Variants in MASP1 observed in about 807,000 individuals in gnomAD.
MASP1 encodes the protein mannan-binding lectin serine protease 1.
Under a neutral mutation model 77.1 loss-of-function variants are expected in MASP1, and 59 were observed. That is an observed-to-expected ratio of 0.77 (90% CI 0.62 to 0.95). MASP1 has a LOEUF of 0.95. Ranked by LOEUF, MASP1 falls within the 40% of genes least tolerant of loss-of-function variation. The pLI is 0.00. For missense variants in MASP1, 885 were observed against 912.9 expected (o/e 0.97, Z 0.39); for synonymous variants, 362 against 354.5 (o/e 1.02, Z -0.24).
chr3:187,222,957 C>G (rs1387442455), intron 14 of MASP1, among the ~76,000 whole-genome samples: 1 of 152,144 alleles, frequency 6.6e-6, no homozygotes, highest in African/African-American at 2.4e-5. Context: ...ACAAATCAAG[C>G]TTTCTGGGGT....
At chr3:187,273,931 C>T (rs1324806875) in intron 2 of MASP1, among the ~76,000 whole-genome samples, 1 of 152,214 alleles carries the variant, frequency 6.6e-6, no homozygotes. Flanking sequence ...AATAATCAGC[C>T]AGGCACCTTG....
At chr3:187,252,724 A>C (rs1447666483) in intron 6 of MASP1, among the ~76,000 whole-genome samples, 1 of 152,096 alleles carries the variant, frequency 6.6e-6, no homozygotes, top group Non-Finnish European at 1.5e-5. Context: ...CATGAGACCC[A>C]TGGGCTTTGC....
chr3:187,241,400 C>A, intron 10 of MASP1, 81 bp downstream of exon 10: 1 of 1,102,142 alleles, frequency 9.1e-7, no homozygotes, highest in Non-Finnish European at 1.4e-6. Flanking sequence ...TCCCCCATCA[C>A]CCTGTTAACA....
chr3:187,250,230 C>T lies in MASP1; in HGVS notation c.1090+21G>A, dbSNP rs761546131. The T allele has an allele frequency of 5.6e-6, 9 of 1,603,018 alleles. No homozygotes were observed. The Admixed American group carries it at 1.5e-4, about 27-fold the overall frequency. On this transcript the variant is annotated intron_variant, in intron 8 of 10. Coordinates refer to ENST00000296280, the MANE Select transcript of MASP1 (RefSeq NM_139125.4). ...GCTGGGGAGCTCAGTATCTTTATAA[C>T]AACCCATTAGGCTTTCTTACTTTTA...
At chr3:187,227,256 G>A (rs570490546) in intron 11 of MASP1, among the ~76,000 whole-genome samples, 15 of 152,288 alleles carry the variant, frequency 9.8e-5, no homozygotes, top group South Asian at 2.1e-4. Flanking sequence ...ACCCTGAGGC[G>A]TGGAGAAAGC....
At chr3:187,291,483 A>G in intron 1 of MASP1, 145 bp downstream of exon 1, 1 of 1,117,208 alleles carries the variant, frequency 9.0e-7, no homozygotes, top group Non-Finnish European at 1.3e-6. Context: ...CTCCCTTCTC[A>G]GAGCCCTAAG....
intron 5 of MASP1, among the ~76,000 whole-genome samples, chr3:187,254,123 G>A (rs74932484): frequency 0.012 from 1,875 of 152,190 alleles, 27 homozygotes; most frequent in Middle Eastern, 0.031. Context: ...AGTCTAGTTG[G>A]GGGGACTAAT....
At chr3:187,229,970 C>G, downstream of MASP1, 2 of 1,568,662 alleles carry the variant, frequency 1.3e-6, no homozygotes, top group Non-Finnish European at 1.7e-6. Context: ...GAGCTCCCAG[C>G]TCCTCACCCT....
chr3:187,221,148 C>T (rs760994362), intron 14 of MASP1: 1 of 1,602,040 alleles, frequency 6.2e-7, no homozygotes, highest in South Asian at 1.1e-5. Flanking sequence ...GAACACAAAG[C>T]TGTTATTGGT....
intron 2 of MASP1, among the ~76,000 whole-genome samples, chr3:187,277,409 T>G (rs2108594831): frequency 6.6e-6 from 1 of 152,290 alleles, no homozygotes; most frequent in Non-Finnish European, 1.5e-5. Flanking sequence ...TAGTTCAGAC[T>G]CCATTTTCTA....
exon 16 of MASP1, chr3:187,219,659 TC>T: frequency 3.8e-6 from 1 of 261,490 alleles, no homozygotes; most frequent in Non-Finnish European, 7.6e-6. Context: ...GGTAGACACA[TC>T]GACCTTCTGC....
rs201104842 is a variant in MASP1, at chr3:187,256,779, G to A, written c.629C>T (p.Ser210Phe). The A allele has an allele frequency of 6.2e-7, 1 of 1,613,978 alleles. No individual in the cohort carries two copies. Among genetic ancestry groups the A allele is most frequent in the East Asian group, 2.2e-5 (1 of 44,856 alleles). ...PDFPNPYPKS[S>F]ECLYTIELEE... ...CAGCTCGATGGTATACAGGCATTCA[G>A]AGCTCTTGGGGTAAGGGTTTGGGAA... The change falls in exon 5 of 11, where the codon TCT (serine) becomes TTT (phenylalanine). Residue 210 changes from serine to phenylalanine, a missense_variant. Coordinates refer to ENST00000296280, the MANE Select transcript of MASP1 (RefSeq NM_139125.4).
intron 8 of MASP1, chr3:187,246,276 A>T: frequency 1.9e-6 from 1 of 530,292 alleles, no homozygotes; most frequent in Non-Finnish European, 2.4e-6. Flanking sequence ...CAAAGCTATT[A>T]CAATTATTTG....
intron 14 of MASP1, among the ~76,000 whole-genome samples, chr3:187,221,317 C>T (rs192025282): frequency 3.3e-5 from 5 of 152,260 alleles, no homozygotes; most frequent in South Asian, 2.1e-4. Context: ...TCAGGAGGCC[C>T]GTGTTCTAGG....
intron 2 of MASP1, among the ~76,000 whole-genome samples, chr3:187,270,397 C>T (rs1035424998): frequency 1.3e-5 from 2 of 152,174 alleles, no homozygotes; most frequent in African/African-American, 2.4e-5. Context: ...ACCATCCCCA[C>T]GGGTGCTGTC....
intron 15 of MASP1, chr3:187,220,930 C>T: frequency 1.1e-6 from 1 of 896,684 alleles, no homozygotes; most frequent in Non-Finnish European, 1.9e-6. Context: ...CCCGCGCCCC[C>T]ACACTGCCAG....
chr3:187,240,676 G>A (rs1283641466), intron 10 of MASP1, among the ~76,000 whole-genome samples: 1 of 152,104 alleles, frequency 6.6e-6, no homozygotes, highest in Non-Finnish European at 1.5e-5. Flanking sequence ...CTGGCACCCA[G>A]GCTGGAGTGC....
Position 187,236,469 on chromosome 3 carries a change from C to G in MASP1, c.1402G>C (p.Val468Leu). 1 of 1,614,050 alleles carries G rather than the reference C, an allele frequency of 6.2e-7. No homozygotes were observed. Among genetic ancestry groups the G allele is most frequent in the Non-Finnish European group, 8.5e-7 (1 of 1,179,992 alleles). ...GGCACTCTCGAAGTGTCCTCCACCA[C>G]TATCAGGGCCTGCCACGGGAAGAGG... ...PGLFPWQALI[V>L]VEDTSRVPND... The change falls in exon 11 of 11, where the codon GTG becomes CTG. Residue 468 changes from valine (V) to leucine (L), a missense_variant. By Grantham distance (32) the Val-to-Leu change is conservative. Coordinates refer to ENST00000296280, the MANE Select transcript of MASP1 (RefSeq NM_139125.4).
chr3:187,229,670 T>G (rs1435476606), downstream of MASP1: 11 of 1,510,156 alleles, frequency 7.3e-6, 1 homozygote, highest in Admixed American at 9.3e-5. Context: ...GATGCTAGTG[T>G]GCACAATGAT....
Sources: allele counts gnomAD v4.1 joint callset (sites outside exome capture counted in the v4.1 genomes callset), GRCh38; gene constraint gnomAD v4.1.1; transcripts MANE v1.5; gene names NCBI Gene and HGNC (gene_info 2026-07-23, HGNC 2026-07-21).